The following NDUFAF7 variants were observed in gnomAD, a reference collection of about 807,000 sequenced individuals.
NDUFAF7 encodes protein arginine methyltransferase NDUFAF7, mitochondrial.
A neutral mutation model predicts 47.2 loss-of-function variants in NDUFAF7; 48 were observed. That is an observed-to-expected ratio of 1.02 (90% CI 0.81 to 1.29). NDUFAF7 has a LOEUF of 1.29. Among genes scored for constraint, NDUFAF7 ranks in the 50% most tolerant of loss-of-function variants. The probability of loss-of-function intolerance (pLI) is 0.00; values close to 1 mark genes in which losing one functional copy is unlikely to be tolerated. For missense variants in NDUFAF7, 635 were observed against 537.6 expected, an observed-to-expected ratio of 1.18 and a Z score of -1.79; for synonymous variants, 217 against 190.0, an observed-to-expected ratio of 1.14 and a Z score of -1.17.
At chr2:37,254,102 T>G, downstream of NDUFAF7, 1 of 850,232 alleles carries the variant, frequency 1.2e-6, no homozygotes, top group Non-Finnish European at 2.0e-6. Context: ...TTAAGAGCAC[T>G]TTTATTATTC....
Position 37,240,815 on chromosome 2 carries a change from G to A in NDUFAF7, c.409-763G>A, listed in dbSNP as rs563989523. 3.3e-5 allele frequency among the ~76,000 whole-genome samples: 5 copies of A among 152,170 alleles called. No individual in the cohort carries two copies. In the East Asian group the frequency reaches 9.6e-4, roughly 29 times the overall value. On this transcript the variant is annotated intron_variant, in intron 4 of 9. Coordinates refer to ENST00000002125, the MANE Select transcript of NDUFAF7 (RefSeq NM_144736.5). ...GAAGTGTCAGACCTGTTTTATTTTT[G>A]ATGTTACCTTCTGAAGGAATTTCTC... is the stretch of plus-strand genomic sequence containing the variant.
chr2:37,233,691 C>T (rs549419903), intron 2 of NDUFAF7, among the ~76,000 whole-genome samples: 7 of 151,162 alleles, frequency 4.6e-5, no homozygotes, highest in South Asian at 4.2e-4. Context: ...TACATTTGCT[C>T]GTCATCAGCA....
chr2:37,239,093 AT>A (rs1666091908), intron 4 of NDUFAF7, among the ~76,000 whole-genome samples: 1 of 150,642 alleles, frequency 6.6e-6, no homozygotes, highest in Non-Finnish European at 1.5e-5. Flanking sequence ...TAAAACTATA[AT>A]TTAGTACATC....
At chr2:37,263,321 AATTT>A in the NDUFAF7 span, among the ~76,000 whole-genome samples, 6 of 152,274 alleles carry the variant, frequency 3.9e-5, no homozygotes, top group East Asian at 1.9e-4. Context: ...CTGATTTTGT[AATTT>A]ATTTCTGCTT....
In NDUFAF7 at chr2:37,247,470, C is replaced by T; in HGVS notation, c.951C>T (p.His317=). The T allele has an allele frequency of 1.2e-6, 2 of 1,613,950 alleles. No homozygotes were observed. The highest frequency in any genetic ancestry group is 1.7e-6 in the Non-Finnish European group (2 of 1,179,934). Reference sequence around the variant, plus strand: ...TTATGTTCAAGGGGTTTTGCGACCACAAGCTTCATGATGTCTTAATTGCCC... The same window carrying T: ...TTATGTTCAAGGGGTTTTGCGACCATAAGCTTCATGATGTCTTAATTGCCC... ...KTDTFRGFCD[H]KLHDVLIAPG... The change falls in exon 9 of 10, where the codon CAC becomes CAT. Residue 317 remains histidine, a synonymous_variant. Transcript: ENST00000002125.
At chr2:37,236,073 C>T in intron 2 of NDUFAF7, 23 bp from the exon 3 acceptor site, 5 of 1,577,200 alleles carry the variant, frequency 3.2e-6, no homozygotes, top group Non-Finnish European at 4.4e-6. Flanking sequence ...AATTTTGTTT[C>T]TCTATTTTCT....
In NDUFAF7 at chr2:37,241,679, T is replaced by C. The variant is rs1201883585; in HGVS notation, c.510T>C (p.Thr170=). Reference sequence around the variant, plus strand: ...GTGAGATTCAAGCATTGACACTGACTAAAGAGAAGGTCCCGTTAGAGCGAA... The same window carrying C: ...GTGAGATTCAAGCATTGACACTGACCAAAGAGAAGGTCCCGTTAGAGCGAA... ...KLSEIQALTL[T]KEKVPLERNA... The change falls in exon 5 of 10, where the codon ACT becomes ACC. Residue 170 remains threonine, a synonymous_variant. Transcript: ENST00000002125. 1.9e-6 allele frequency: 3 copies of C among 1,613,934 alleles called. No individual in the cohort carries two copies. Among genetic ancestry groups the C allele is most frequent in the Non-Finnish European group, 1.7e-6 (2 of 1,180,004 alleles).
intron 2 of NDUFAF7, among the ~76,000 whole-genome samples, chr2:37,233,219 G>A (rs1277766836): frequency 6.6e-6 from 1 of 152,222 alleles, no homozygotes; most frequent in Non-Finnish European, 1.5e-5. Flanking sequence ...AAGACAGACA[G>A]GACCAGGTTT....
the NDUFAF7 span, among the ~76,000 whole-genome samples, chr2:37,260,979 CT>C: frequency 6.6e-6 from 1 of 152,166 alleles, no homozygotes; most frequent in Non-Finnish European, 1.5e-5. Flanking sequence ...AGCAATTTAT[CT>C]TTTGTTCTAC....
intron 2 of NDUFAF7, among the ~76,000 whole-genome samples, chr2:37,235,691 G>C (rs1041829810): frequency 1.3e-5 from 2 of 151,282 alleles, no homozygotes; most frequent in African/African-American, 4.9e-5. Flanking sequence ...GTCTCACTTT[G>C]TCACCTAGGC....
chr2:37,266,490 T>G, the NDUFAF7 span, among the ~76,000 whole-genome samples: 1 of 116,008 alleles, frequency 8.6e-6, no homozygotes, highest in Non-Finnish European at 1.8e-5. Context: ...CACACCCGGC[T>G]TTTTTTTTTT....
Position 37,241,899 on chromosome 2 carries a change from A to C in NDUFAF7, c.622+108A>C, listed in dbSNP as rs1572553487. 3.1e-6 allele frequency: 3 copies of C among 979,670 alleles called. No individual in the cohort carries two copies. The East Asian group carries it at 7.8e-5, about 25-fold the overall frequency. The allele number at this position is 979,670 out of a possible 1,614,324, so 60.7% of individuals were successfully genotyped here. Reference sequence around the variant, plus strand: ...TATAATAGATTGAGTTACTGCTGCCAAGTCCCTTATCCATAGAGAGTAGCC... The same window carrying C: ...TATAATAGATTGAGTTACTGCTGCCCAGTCCCTTATCCATAGAGAGTAGCC... On this transcript the variant is annotated intron_variant, in intron 5 of 9. Transcript: ENST00000002125.
rs764356059 is a variant in NDUFAF7, at chr2:37,247,606, A to G, written c.1087A>G (p.Met363Val). 5.4e-5 allele frequency: 87 copies of G among 1,613,844 alleles called. No individual in the cohort carries two copies. The highest frequency in any genetic ancestry group is 6.5e-5 in the Non-Finnish European group (77 of 1,179,954). Residue 363 changes from methionine to valine, a missense_variant, in exon 9 of 10, where the codon ATG becomes GTG. Transcript: ENST00000002125. ...PIKQHTFLKNMGIDVRLKVLL... is the reference protein window; with the variant it reads ...PIKQHTFLKNVGIDVRLKVLL... ...AAAACAACACACATTTTTAAAAAAT[A>G]TGGGTATTGATGTCCGGCTGAAGGT...
At chr2:37,269,795 G>C in the NDUFAF7 span, 1 of 793,404 alleles carries the variant, frequency 1.3e-6, no homozygotes, top group Non-Finnish European at 2.0e-6. Flanking sequence ...GTTAGAAGCA[G>C]CTAATTTCCA....
chr2:37,248,106 A>T, intron 9 of NDUFAF7, 29 bp from the exon 10 acceptor site: 1 of 1,547,858 alleles, frequency 6.5e-7, no homozygotes, highest in Non-Finnish European at 8.9e-7. Flanking sequence ...TCTTCTGGTT[A>T]TTTTTGCTAA....
At chr2:37,252,134 A>C (rs1337472788), downstream of NDUFAF7, 4 of 152,210 alleles carry the variant, frequency 2.6e-5, no homozygotes, top group Non-Finnish European at 4.4e-5. Flanking sequence ...GCTTAAAATA[A>C]TTGACTTTAA....
chr2:37,254,190 A>T, downstream of NDUFAF7: 5 of 1,579,476 alleles, frequency 3.2e-6, no homozygotes, highest in Non-Finnish European at 4.4e-6. Flanking sequence ...AAGAGAGATT[A>T]CATTTTTTTT....
chr2:37,254,737 A>C (rs1667799569), downstream of NDUFAF7, among the ~76,000 whole-genome samples: 1 of 151,916 alleles, frequency 6.6e-6, no homozygotes, highest in African/African-American at 2.4e-5. Flanking sequence ...GATCCTCCCC[A>C]CCCCGCTCCA....
chr2:37,265,783 G>T, the NDUFAF7 span, among the ~76,000 whole-genome samples: 3 of 152,022 alleles, frequency 2.0e-5, no homozygotes, highest in Admixed American at 2.0e-4. Context: ...TCCCAGTTTG[G>T]GCAATATTGA....
Sources: allele counts gnomAD v4.1 joint callset (sites outside exome capture counted in the v4.1 genomes callset), GRCh38; gene constraint gnomAD v4.1.1; transcripts MANE v1.5; gene names NCBI Gene and HGNC (gene_info 2026-07-23, HGNC 2026-07-21).